PCNT: variants seen among roughly 807,000 people sequenced by gnomAD.
PCNT encodes pericentrin.
A neutral mutation model predicts 380.4 loss-of-function variants in PCNT; 319 were observed. The ratio of observed to expected loss-of-function variants is 0.84; its 90% CI spans 0.77 to 0.92. The LOEUF (loss-of-function observed/expected upper bound fraction) is 0.92, where lower values mean the gene tolerates loss of function less well. Ranked by LOEUF, PCNT falls within the 40% of genes least tolerant of loss-of-function variation. The probability of loss-of-function intolerance (pLI) is 0.00; values close to 1 mark genes in which losing one functional copy is unlikely to be tolerated. For missense variants in PCNT, 4,400 were observed against 4,255.3 expected (o/e 1.03, Z -0.95); for synonymous variants, 1,845 against 1,735.2 (o/e 1.06, Z -1.57).
rs2060593573 is a variant in PCNT, at chr21:46,432,153, G to A, written c.8689G>A (p.Ala2897Thr). 6.2e-7 allele frequency: 1 copy of A among 1,613,708 alleles called. No homozygotes were observed. Among genetic ancestry groups the A allele is most frequent in the Non-Finnish European group, 8.5e-7 (1 of 1,179,968 alleles). Residue 2897 changes from alanine (A) to threonine (T), a missense_variant, in exon 38 of 47, where the codon GCC becomes ACC. Ala to Thr is a moderately conservative substitution (Grantham distance 58). Coordinates refer to ENST00000359568, the MANE Select transcript of PCNT (RefSeq NM_006031.6). ...CAAGGCTGCGAGGAGGAGCGCGGAGGCCAGGCAGAGCCCAGCGGCTGCGGA... is the reference window on the plus strand; with the variant it reads ...CAAGGCTGCGAGGAGGAGCGCGGAGACCAGGCAGAGCCCAGCGGCTGCGGA... Reference protein sequence around the residue: ...GRKAARRSAEARQSPAAAEQW... With the variant: ...GRKAARRSAETRQSPAAAEQW...
chr21:46,344,138 C>T (rs1165625165), intron 3 of PCNT, among the ~76,000 whole-genome samples: 2 of 151,016 alleles, frequency 1.3e-5, no homozygotes, highest in Non-Finnish European at 2.9e-5. Flanking sequence ...GATCTCTGTT[C>T]ACTGCAAGCT....
chr21:46,334,247 G>A, intron 2 of PCNT, 150 bp from the exon 3 acceptor site: 1 of 988,264 alleles, frequency 1.0e-6, no homozygotes, highest in Admixed American at 2.1e-5. Context: ...AATTGTTAAT[G>A]CGGAAGGTGC....
At chr21:46,337,783 T>A (rs1033457820) in intron 3 of PCNT, among the ~76,000 whole-genome samples, 1 of 152,030 alleles carries the variant, frequency 6.6e-6, no homozygotes, top group East Asian at 1.9e-4. Context: ...GGTTTCACCA[T>A]GTTGGTCAGG....
intron 3 of PCNT, among the ~76,000 whole-genome samples, chr21:46,343,316 G>A (rs1370657732): frequency 1.3e-5 from 2 of 152,064 alleles, no homozygotes; most frequent in South Asian, 2.1e-4. Flanking sequence ...CTTCTATGCC[G>A]ATTTTGCTGA....
In PCNT at chr21:46,328,415, C is replaced by T. The variant is rs532386757; in HGVS notation, c.267+1826C>T. The stretch of plus-strand genomic sequence containing the variant: ...AGTGCCAGGATTACAGGATTTCTGC[C>T]ACCTTGCTGGGCAGAAAGTTACTTT... On this transcript the variant is annotated intron_variant, in intron 2 of 46. Transcript: ENST00000359568. Among the ~76,000 whole-genome samples the T allele has an allele frequency of 2.0e-5, 3 of 151,774 alleles. No individual in the cohort carries two copies. In the South Asian group the frequency reaches 6.3e-4, roughly 32 times the overall value.
chr21:46,436,535 C>T (rs180794357), intron 39 of PCNT, among the ~76,000 whole-genome samples: 231 of 145,486 alleles, frequency 1.6e-3, no homozygotes, highest in African/African-American at 3.5e-3. Flanking sequence ...CCCAGGATGA[C>T]GATCGTGATA....
intron 27 of PCNT, 108 bp downstream of exon 27, chr21:46,402,591 G>A (rs544562433): frequency 3.4e-6 from 4 of 1,184,148 alleles, no homozygotes; most frequent in South Asian, 1.2e-5. Context: ...CTTCACAGAC[G>A]CCCGTGGCCC....
intron 15 of PCNT, among the ~76,000 whole-genome samples, chr21:46,374,340 G>A (rs916585542): frequency 3.9e-5 from 6 of 152,080 alleles, no homozygotes; most frequent in African/African-American, 4.8e-5. Context: ...CATCCACAGC[G>A]ATCCCTGCAT....
chr21:46,402,192 G>C (rs1373677546), intron 26 of PCNT, 139 bp from the exon 27 acceptor site: 4 of 599,196 alleles, frequency 6.7e-6, no homozygotes, highest in Non-Finnish European at 8.5e-6. Context: ...ATTTGTGTGC[G>C]GGTACAGGTA....
intron 2 of PCNT, among the ~76,000 whole-genome samples, chr21:46,334,022 T>A (rs373893623): frequency 6.6e-6 from 1 of 151,960 alleles, no homozygotes; most frequent in African/African-American, 2.4e-5. Flanking sequence ...TTGGCTAACA[T>A]GGTGAAACCC....
intron 12 of PCNT, among the ~76,000 whole-genome samples, chr21:46,356,768 C>G (rs974208052): frequency 6.6e-6 from 1 of 152,240 alleles, no homozygotes; most frequent in Non-Finnish European, 1.5e-5. Context: ...CGGCACTGTG[C>G]TGGGGCAGCA....
chr21:46,378,674 T>C (rs1005177261), intron 15 of PCNT, among the ~76,000 whole-genome samples: 27 of 152,246 alleles, frequency 1.8e-4, no homozygotes, highest in African/African-American at 6.0e-4. Flanking sequence ...CACAAGTAAC[T>C]GAAACCGCAG....
chr21:46,329,509 A>G (rs1364013640), intron 2 of PCNT, among the ~76,000 whole-genome samples: 1 of 152,228 alleles, frequency 6.6e-6, no homozygotes, highest in Non-Finnish European at 1.5e-5. Flanking sequence ...TATACCACTA[A>G]TAAAACATGT....
chr21:46,357,698 G>T (rs931437311), intron 13 of PCNT, among the ~76,000 whole-genome samples: 6 of 152,150 alleles, frequency 3.9e-5, no homozygotes, highest in Admixed American at 3.9e-4. Context: ...TACAGTGCTG[G>T]GATTACAGGT....
Sources: allele counts gnomAD v4.1 joint callset (sites outside exome capture counted in the v4.1 genomes callset), GRCh38; gene constraint gnomAD v4.1.1; transcripts MANE v1.5; gene names NCBI Gene and HGNC (gene_info 2026-07-23, HGNC 2026-07-21).